GRIK3: variants seen among roughly 807,000 people sequenced by gnomAD.
GRIK3 encodes glutamate receptor ionotropic, kainate 3.
Under a neutral mutation model 102.5 loss-of-function variants are expected in GRIK3, and 29 were observed. The ratio of observed to expected loss-of-function variants is 0.28; its 90% CI spans 0.21 to 0.39. The LOEUF (loss-of-function observed/expected upper bound fraction) is 0.39, where lower values mean the gene tolerates loss of function less well. Ranked by LOEUF, GRIK3 falls within the 10% of genes least tolerant of loss-of-function variation. The probability of loss-of-function intolerance (pLI) is 1.00; values close to 1 mark genes in which losing one functional copy is unlikely to be tolerated. For synonymous variants in GRIK3, 511 were observed against 504.9 expected, an observed-to-expected ratio of 1.01 and a Z score of -0.16; for missense variants, 908 against 1,252.4, an observed-to-expected ratio of 0.73 and a Z score of 4.15.
chr1:36,965,119 C>G (rs1642065455), intron 1 of GRIK3, among the ~76,000 whole-genome samples: 1 of 152,198 alleles, frequency 6.6e-6, no homozygotes, highest in Non-Finnish European at 1.5e-5. Flanking sequence ...TGTCCTCACT[C>G]AGAGTATGAC....
chr1:36,935,772 T>C (rs1006488581), intron 1 of GRIK3, among the ~76,000 whole-genome samples: 2 of 152,262 alleles, frequency 1.3e-5, no homozygotes, highest in African/African-American at 4.8e-5. Flanking sequence ...AGGTGAATTA[T>C]TAGTTTGGCA....
chr1:37,021,815 C>T (rs960752781), intron 1 of GRIK3, among the ~76,000 whole-genome samples: 1 of 152,186 alleles, frequency 6.6e-6, no homozygotes, highest in African/African-American at 2.4e-5. Context: ...CACTCTCAGT[C>T]ACATTGGTAC....
chr1:36,920,213 C>G (rs1641451546), intron 1 of GRIK3, among the ~76,000 whole-genome samples: 2 of 152,186 alleles, frequency 1.3e-5, no homozygotes, highest in African/African-American at 4.8e-5. Flanking sequence ...AGTCTAGTGA[C>G]CTGGAACCAG....
intron 1 of GRIK3, among the ~76,000 whole-genome samples, chr1:37,017,119 G>C (rs564291843): frequency 6.4e-4 from 98 of 152,058 alleles, no homozygotes; most frequent in African/African-American, 2.1e-3. Context: ...GGACAGCTGA[G>C]GGGGGAGGAT....
chr1:36,811,658 A>C (rs1487030820), intron 13 of GRIK3, among the ~76,000 whole-genome samples: 1 of 152,178 alleles, frequency 6.6e-6, no homozygotes, highest in East Asian at 1.9e-4. Context: ...GCTCCAGTTA[A>C]GTAATCTGCC....
chr1:36,886,132 T>A (rs1289651164), intron 2 of GRIK3, among the ~76,000 whole-genome samples: 1 of 152,136 alleles, frequency 6.6e-6, no homozygotes, highest in Non-Finnish European at 1.5e-5. Context: ...CATCTTTTAA[T>A]TTCCACAAAA....
chr1:36,972,178 G>C (rs1642150204), intron 1 of GRIK3, among the ~76,000 whole-genome samples: 1 of 152,198 alleles, frequency 6.6e-6, no homozygotes, highest in East Asian at 1.9e-4. Context: ...ATCCCAATGA[G>C]GCTGTGATTT....
intron 1 of GRIK3, among the ~76,000 whole-genome samples, chr1:37,030,811 G>A (rs905020043): frequency 1.1e-4 from 16 of 152,070 alleles, no homozygotes; most frequent in African/African-American, 3.4e-4. Flanking sequence ...CTGCACTAAA[G>A]GGAACTTTGA....
chr1:36,921,183 A>G (rs1006475937), intron 1 of GRIK3, among the ~76,000 whole-genome samples: 7 of 152,228 alleles, frequency 4.6e-5, no homozygotes, highest in Admixed American at 2.6e-4. Flanking sequence ...GGTTAGGAGC[A>G]TGGCTTGGAG....
rs1304071326 is a variant in GRIK3, at chr1:36,872,830, A to G, written c.551-461T>C. 2.6e-5 allele frequency among the ~76,000 whole-genome samples: 4 copies of G among 152,204 alleles called. No individual in the cohort carries two copies. The highest frequency in any genetic ancestry group is 6.5e-5 in the Admixed American group (1 of 15,284). On this transcript the variant is annotated intron_variant, in intron 3 of 15. Transcript: ENST00000373091. This position sits in a 1 kb window ranked among gnomAD's most constrained non-coding sequence, Gnocchi z 5.9. ...CCCCCAACATTGTGAGACATGGGAC[A>G]TGATTTCCCTCAACATCTCCAGCGA...
chr1:36,842,657 C>CAAA (rs1356149789), intron 9 of GRIK3, among the ~76,000 whole-genome samples: 1 of 152,198 alleles, frequency 6.6e-6, no homozygotes, highest in Non-Finnish European at 1.5e-5. Flanking sequence ...GGTCAATTAG[C>CAAA]AAATGAGTTT....
chr1:36,821,909 A>G (rs1335696721), intron 11 of GRIK3, among the ~76,000 whole-genome samples: 1 of 152,248 alleles, frequency 6.6e-6, no homozygotes, highest in Non-Finnish European at 1.5e-5. Flanking sequence ...ACACAAATAT[A>G]TAACATATAT....
In GRIK3 at chr1:36,891,047, G is replaced by A. The variant is rs375866500; in HGVS notation, c.165C>T (p.Ala55=). The change falls in exon 2 of 16, where the codon GCC becomes GCT. Residue 55 remains alanine (A), a synonymous_variant. Transcript: ENST00000373091. The part of the protein sequence containing the change: ...ADGPNAQVMN[A]EEHAFRFSAN... ...CAGAAAATCGAAAGGCATGCTCCTC[G>A]GCATTCATGACCTGGGCGTTGGGGC... 2.5e-5 allele frequency: 40 copies of A among 1,613,900 alleles called. No individual in the cohort carries two copies. The highest frequency in any genetic ancestry group is 2.1e-4 in the South Asian group (19 of 91,020).
intron 2 of GRIK3, among the ~76,000 whole-genome samples, chr1:36,885,347 G>A (rs1397757090): frequency 6.6e-6 from 1 of 152,176 alleles, no homozygotes; most frequent in Admixed American, 6.5e-5. Flanking sequence ...GACTGGTGAT[G>A]ATGAAGATGT....
Position 37,016,108 on chromosome 1 carries a change from G to C in GRIK3, c.115+17886C>G, listed in dbSNP as rs115817842. 5.9e-3 allele frequency among the ~76,000 whole-genome samples: 893 copies of C among 152,302 alleles called. 10 individuals are homozygous for C. Among genetic ancestry groups the C allele is most frequent in the African/African-American group, 0.02 (812 of 41,576 alleles). ...TCAGGAGTATCCTAAATGTGCCACT[G>C]TTCACTTTAAGGTTAGAAGTTTCCC... On this transcript the variant is annotated intron_variant, in intron 1 of 15. Transcript: ENST00000373091.
chr1:36,924,632 G>A (rs1035299329), intron 1 of GRIK3, among the ~76,000 whole-genome samples: 5 of 152,090 alleles, frequency 3.3e-5, no homozygotes, highest in Non-Finnish European at 5.9e-5. Context: ...GCCACGAAGG[G>A]GTCAGCGCTG....
intron 1 of GRIK3, among the ~76,000 whole-genome samples, chr1:36,949,421 G>C (rs950897624): frequency 6.6e-6 from 1 of 152,062 alleles, no homozygotes; most frequent in African/African-American, 2.4e-5. Flanking sequence ...AGCTCACAGA[G>C]GGCTTTCAAT....
chr1:37,018,305 C>T (rs1642674645), intron 1 of GRIK3, among the ~76,000 whole-genome samples: 1 of 152,254 alleles, frequency 6.6e-6, no homozygotes, highest in African/African-American at 2.4e-5. Flanking sequence ...AGGCATCTTA[C>T]TGAATCTTTA....
intron 1 of GRIK3, among the ~76,000 whole-genome samples, chr1:36,999,687 G>T (rs909164404): frequency 6.6e-6 from 1 of 152,198 alleles, no homozygotes; most frequent in African/African-American, 2.4e-5. Flanking sequence ...AGCACCTGCA[G>T]GGCAGGCACC....
Sources: gnomAD v4.1 joint callset for allele counts (sites outside exome capture counted in the v4.1 genomes callset) on GRCh38, gnomAD v4.1.1 for gene constraint, Gnocchi (gnomAD v3.1) non-coding constraint, MANE v1.5 for transcripts, NCBI Gene and HGNC (gene_info 2026-07-23, HGNC 2026-07-21) for gene names.